PSORS1C1: variants seen among roughly 807,000 people sequenced by gnomAD.
PSORS1C1 encodes psoriasis susceptibility 1 candidate 1, also known as psoriasis susceptibility 1 candidate gene 1 protein.
Under a neutral mutation model 9.4 loss-of-function variants are expected in PSORS1C1, and 7 were observed. That is an observed-to-expected ratio of 0.75 (90% confidence interval 0.42 to 1.40). The LOEUF is 1.40. PSORS1C1 is among the 40% of genes most tolerant of loss of function. The pLI is 0.01. For missense variants in PSORS1C1, 146 were observed against 178.1 expected, an observed-to-expected ratio of 0.82 and a Z score of 1.02; for synonymous variants, 63 against 69.4, an observed-to-expected ratio of 0.91 and a Z score of 0.46.
chr6:31,115,625 G>A lies in PSORS1C1; in HGVS notation c.-229+734G>A, dbSNP rs1772067006. 3 of 229,170 alleles carry A rather than the reference G, an allele frequency of 1.3e-5. No homozygotes were observed. The highest frequency in any genetic ancestry group is 2.3e-5 in the African/African-American group (1 of 44,318). The allele number at this position is 229,170 out of a possible 1,614,324, so 14.2% of individuals were successfully genotyped here. On this transcript the variant is annotated intron_variant, in intron 1 of 5. Transcript: ENST00000259881. The surrounding 1 kb of genome is among the most constrained non-coding windows in gnomAD (Gnocchi z 4.2). The stretch of plus-strand genomic sequence containing the variant: ...TTTATTTGGTAAAGGGGAAGAGGAA[G>A]GTATAACTTCTTCAGGCGTCAGAGG...
At chr6:31,129,157 G>T (rs1772800767) in intron 2 of PSORS1C1, among the ~76,000 whole-genome samples, 1 of 151,570 alleles carries the variant, frequency 6.6e-6, no homozygotes, top group African/African-American at 2.4e-5. Context: ...ATTTTACCGT[G>T]ATACTAGTTC....
At chr6:31,126,752 G>A (rs374995236) in intron 2 of PSORS1C1, among the ~76,000 whole-genome samples, 2 of 152,124 alleles carry the variant, frequency 1.3e-5, no homozygotes, top group Non-Finnish European at 2.9e-5. Flanking sequence ...TGGCAAGTGG[G>A]GTTCTGCCCA....
intron 3 of PSORS1C1, among the ~76,000 whole-genome samples, chr6:31,130,261 A>AT (rs9281217): frequency 0.17 from 24,550 of 142,644 alleles, 2,314 homozygotes; most frequent in East Asian, 0.35. Flanking sequence ...CCTAGGCACA[A>AT]TTTTTTTTTT....
intron 1 of PSORS1C1, among the ~76,000 whole-genome samples, chr6:31,119,494 C>G (rs1279458255): frequency 1.3e-5 from 2 of 152,200 alleles, no homozygotes; most frequent in African/African-American, 4.8e-5. Context: ...GCTTTGCTGC[C>G]TTCTAATGCA....
intron 3 of PSORS1C1, among the ~76,000 whole-genome samples, chr6:31,132,427 C>T (rs530214059): frequency 7.9e-6 from 1 of 126,736 alleles, no homozygotes; most frequent in African/African-American, 2.7e-5. Context: ...GAAGCAGAGG[C>T]AGGAGAATCG....
chr6:31,131,528 C>T (rs1009957241), intron 3 of PSORS1C1, among the ~76,000 whole-genome samples: 3 of 132,230 alleles, frequency 2.3e-5, no homozygotes, highest in African/African-American at 5.8e-5. Flanking sequence ...ACCCAGGAGG[C>T]GGAGGTTGCA....
At chr6:31,133,415 G>T (rs1773007126) in intron 3 of PSORS1C1, 1 of 152,224 alleles carries the variant, frequency 6.6e-6, no homozygotes, top group Non-Finnish European at 1.5e-5. Flanking sequence ...TACGCGCAAG[G>T]GCTGGTCCCT....
chr6:31,117,442 CCA>C, intron 1 of PSORS1C1: 1 of 1,558,708 alleles, frequency 6.4e-7, no homozygotes, highest in Non-Finnish European at 8.7e-7. Context: ...GTCACCCTTC[CCA>C]GTGAGGCAGG....
intron 3 of PSORS1C1, among the ~76,000 whole-genome samples, chr6:31,131,140 A>C (rs1364488656): frequency 1.3e-5 from 2 of 152,112 alleles, no homozygotes; most frequent in Non-Finnish European, 2.9e-5. Flanking sequence ...TCTCTCCAAC[A>C]TGTCTCTCTC....
chr6:31,139,898 C>A lies in PSORS1C1; in HGVS notation c.425C>A (p.Ser142Tyr). 6.2e-7 allele frequency: 1 copy of A among 1,612,980 alleles called. No individual in the cohort carries two copies. Among genetic ancestry groups the A allele is most frequent in the Non-Finnish European group, 8.5e-7 (1 of 1,179,938 alleles). ...APTLLYSSPPSHSPFGLSSLI is the reference protein window; with the variant it reads ...APTLLYSSPPYHSPFGLSSLI ...ACTCTATTGTACTCGTCTCCTCCCTCCCATTCTCCTTTTGGTCTCAGCTCC... is the reference window on the plus strand; with the variant it reads ...ACTCTATTGTACTCGTCTCCTCCCTACCATTCTCCTTTTGGTCTCAGCTCC... Residue 142 changes from serine (S) to tyrosine (Y), a missense_variant, in exon 6 of 6, where the codon TCC (serine) becomes TAC (tyrosine). Transcript: ENST00000259881. This position sits in a 1 kb window ranked among gnomAD's most constrained non-coding sequence, Gnocchi z 5.2.
intron 1 of PSORS1C1, among the ~76,000 whole-genome samples, chr6:31,123,194 C>G (rs1044345094): frequency 1.3e-5 from 2 of 152,224 alleles, no homozygotes; most frequent in African/African-American, 2.4e-5. Flanking sequence ...CTCCTCCTGG[C>G]TACTCTCTCC....
At chr6:31,117,051 G>T in intron 1 of PSORS1C1, 1 of 1,614,254 alleles carries the variant, frequency 6.2e-7, no homozygotes, top group Non-Finnish European at 8.5e-7. Flanking sequence ...GCTGGGAAGG[G>T]TTTAGTATTC....
At chr6:31,127,792 C>T (rs558754990) in intron 2 of PSORS1C1, among the ~76,000 whole-genome samples, 193 of 151,792 alleles carry the variant, frequency 1.3e-3, no homozygotes, top group Non-Finnish European at 2.8e-4. Context: ...CCAGCCTGGG[C>T]GACAAGAGCG....
chr6:31,126,658 G>A (rs1772693828), intron 2 of PSORS1C1, among the ~76,000 whole-genome samples: 1 of 152,330 alleles, frequency 6.6e-6, no homozygotes, highest in East Asian at 1.9e-4. Context: ...CGGGCCCAGG[G>A]CACTGCAGCC....
At chr6:31,124,166 A>C (rs1229189717) in intron 1 of PSORS1C1, among the ~76,000 whole-genome samples, 4 of 152,132 alleles carry the variant, frequency 2.6e-5, no homozygotes, top group African/African-American at 9.7e-5. Context: ...GGGTGCAGGG[A>C]ACCAAACGGC....
At chr6:31,123,362 A>G (rs1772546243) in intron 1 of PSORS1C1, among the ~76,000 whole-genome samples, 1 of 152,228 alleles carries the variant, frequency 6.6e-6, no homozygotes, top group South Asian at 2.1e-4. Context: ...CTCACCATTA[A>G]TCTTTCTCTC....
intron 1 of PSORS1C1, among the ~76,000 whole-genome samples, chr6:31,123,218 C>T (rs1199540135): frequency 2.6e-5 from 4 of 152,208 alleles, no homozygotes; most frequent in Admixed American, 2.6e-4. Context: ...CCACTCCTGT[C>T]CACCCCATCC....
At chr6:31,138,859 C>T (rs1303660264) in intron 5 of PSORS1C1, 80 bp downstream of exon 5, 2 of 1,603,954 alleles carry the variant, frequency 1.2e-6, no homozygotes, top group African/African-American at 1.3e-5. Context: ...CCAGATGCAC[C>T]TTCTGCGTCC....
chr6:31,121,617 C>A (rs1772467726), intron 1 of PSORS1C1, among the ~76,000 whole-genome samples: 1 of 144,624 alleles, frequency 6.9e-6, no homozygotes, highest in Non-Finnish European at 1.5e-5. Flanking sequence ...CCTGGGAGTC[C>A]AGCAAGCTGC....
Sources: gnomAD v4.1 joint callset for allele counts (sites outside exome capture counted in the v4.1 genomes callset) on GRCh38, gnomAD v4.1.1 for gene constraint, Gnocchi (gnomAD v3.1) non-coding constraint, MANE v1.5 for transcripts, NCBI Gene and HGNC (gene_info 2026-07-23, HGNC 2026-07-21) for gene names.